BLOC1S2: variants seen among roughly 807,000 people sequenced by gnomAD.
BLOC1S2 encodes the protein biogenesis of lysosome-related organelles complex 1 subunit 2.
Under a neutral mutation model 19.6 loss-of-function variants are expected in BLOC1S2, and 12 were observed. The observed-to-expected ratio is 0.61, with a 90% CI of 0.39 to 0.99. The LOEUF (loss-of-function observed/expected upper bound fraction) is 0.99. BLOC1S2 is among the 50% of genes least tolerant of loss of function. BLOC1S2 has a pLI of 0.00. For synonymous variants in BLOC1S2, 66 were observed against 64.1 expected, an observed-to-expected ratio of 1.03 and a Z score of -0.14; for missense variants, 142 against 171.0, an observed-to-expected ratio of 0.83 and a Z score of 0.95.
In BLOC1S2 at chr10:100,275,475, A is replaced by T. The variant is rs764290911; in HGVS notation, c.416T>A (p.Leu139Gln). 1 of 1,605,434 alleles carries T rather than the reference A, an allele frequency of 6.2e-7. No homozygotes were observed. Among genetic ancestry groups the T allele is most frequent in the Non-Finnish European group, 8.5e-7 (1 of 1,174,396 alleles). Residue 139 changes from leucine to glutamine, a missense_variant, in exon 5 of 5, where the codon CTG becomes CAG. Leu to Gln is a moderately radical substitution (Grantham distance 113). Coordinates refer to ENST00000370372, the MANE Select transcript of BLOC1S2 (RefSeq NM_173809.5). Reference protein sequence around the residue: ...SKKLEAKYKKLEKR With the variant: ...SKKLEAKYKKQEKR ...GAAATAAGTTTCTCATCGCTTCTCC[A>T]GCTTCTTGTACTTGGCTTCTGTGAG...
chr10:100,280,901 C>T, intron 3 of BLOC1S2, 33 bp downstream of exon 3: 30 of 1,587,132 alleles, frequency 1.9e-5, no homozygotes, highest in Non-Finnish European at 2.6e-5. Context: ...ACATTAAATA[C>T]AAACATGTTT....
At chr10:100,285,940 G>C (rs1848223138) in intron 2 of BLOC1S2, among the ~76,000 whole-genome samples, 157 bp downstream of exon 2, 1 of 152,160 alleles carries the variant, frequency 6.6e-6, no homozygotes, top group Admixed American at 6.5e-5. Context: ...CTGCAGAGTT[G>C]TATTTTCTTT....
chr10:100,277,867 G>A (rs1258929373), intron 4 of BLOC1S2, among the ~76,000 whole-genome samples: 8 of 125,268 alleles, frequency 6.4e-5, no homozygotes, highest in African/African-American at 1.6e-4. Flanking sequence ...CAGCCGCCCC[G>A]TCCGGGAGGG....
At chr10:100,278,180 C>G (rs1175377999) in intron 4 of BLOC1S2, among the ~76,000 whole-genome samples, 6 of 146,298 alleles carry the variant, frequency 4.1e-5, no homozygotes, top group Non-Finnish European at 6.1e-5. Context: ...GCCCCCTACC[C>G]GGCCAGCCGC....
chr10:100,285,765 T>C (rs1402736743), intron 2 of BLOC1S2, among the ~76,000 whole-genome samples: 4 of 152,320 alleles, frequency 2.6e-5, no homozygotes, highest in Admixed American at 2.0e-4. Context: ...TGCTTGCACA[T>C]ACCACCTCAT....
intron 4 of BLOC1S2, among the ~76,000 whole-genome samples, chr10:100,278,569 C>T (rs1454061743): frequency 6.6e-6 from 1 of 152,090 alleles, no homozygotes; most frequent in East Asian, 1.9e-4. Flanking sequence ...GTGCTGTGTC[C>T]ACTCAGGGTT....
Position 100,275,089 on chromosome 10 carries a change from AC to A in BLOC1S2, c.*372del, listed in dbSNP as rs1847818873. 1 of 401,110 alleles carries A rather than the reference AC, an allele frequency of 2.5e-6. No homozygotes were observed. Among genetic ancestry groups the A allele is most frequent in the African/African-American group, 2.1e-5 (1 of 48,766 alleles). The allele number at this position is 401,110 out of a possible 1,614,324, so 24.8% of individuals were successfully genotyped here. On this transcript the variant is annotated 3_prime_UTR_variant, in exon 5 of 5. Transcript: ENST00000370372. ...CAGAAAAACGACCATTTACATAGTA[AC>A]TAAAAAACCAGCCACTTAAGAAAAT... is the stretch of plus-strand genomic sequence containing the variant.
chr10:100,277,430 G>A (rs1178866068), intron 4 of BLOC1S2, among the ~76,000 whole-genome samples: 1 of 148,980 alleles, frequency 6.7e-6, no homozygotes, highest in East Asian at 2.0e-4. Context: ...CCTCTGCCCA[G>A]CCAGCCACCC....
rs756774599 is a variant in BLOC1S2 at position 100,280,176 on chromosome 10, T to C, written c.345A>G (p.Val115=). 1.5e-5 allele frequency: 24 copies of C among 1,613,504 alleles called. No individual in the cohort carries two copies. The highest frequency in any genetic ancestry group is 1.9e-5 in the Non-Finnish European group (23 of 1,179,686). Residue 115 remains valine, a synonymous_variant, in exon 4 of 5, where the codon GTA becomes GTG. Transcript: ENST00000370372. ...LDQINVIEEQ[V]AALEQAAYKL... ...TGTAAGCTGCCTGCTCAAGAGCTGCTACCTGCTCTTCAATGACATTGATCT... is the reference window on the plus strand; with the variant it reads ...TGTAAGCTGCCTGCTCAAGAGCTGCCACCTGCTCTTCAATGACATTGATCT...
intron 2 of BLOC1S2, among the ~76,000 whole-genome samples, chr10:100,282,530 C>T (rs1184362852): frequency 6.6e-6 from 1 of 152,118 alleles, no homozygotes; most frequent in African/African-American, 2.4e-5. Context: ...TGTACTACAC[C>T]GATGATTTTC....
In BLOC1S2 at chr10:100,273,984, G is replaced by A. The variant is rs1211287817; in HGVS notation, c.*1478C>T. The A allele has an allele frequency of 6.6e-6, 1 of 152,126 alleles. No individual in the cohort carries two copies. Among genetic ancestry groups the A allele is most frequent in the Admixed American group, 6.6e-5 (1 of 15,260 alleles). 9.4% of individuals were successfully genotyped at this position (152,126 alleles called of 1,614,324 possible). On this transcript the variant is annotated 3_prime_UTR_variant, in exon 5 of 5. Transcript: ENST00000370372. The stretch of plus-strand genomic sequence containing the variant: ...AAAAATGTTTAAATAGGGGCCTTAT[G>A]TTAGGCACGGTGGTTCATGCCTACA...
At position 100,273,369 on chromosome 10, in the gene BLOC1S2, CATCT is replaced by C. The variant is rs754241595; in HGVS notation, c.*2089_*2092del. ...ATCACTTGTACTCTGAAAATACATA[CATCT>C]ATTACACATCAATAAAAAAACTCAT... On this transcript the variant is annotated 3_prime_UTR_variant, in exon 5 of 5. Coordinates refer to ENST00000370372, the MANE Select transcript of BLOC1S2 (RefSeq NM_173809.5). 6.6e-6 allele frequency: 1 copy of C among 152,146 alleles called. No homozygotes were observed. Among genetic ancestry groups the C allele is most frequent in the East Asian group, 1.9e-4 (1 of 5,200 alleles). 9.4% of individuals were successfully genotyped at this position (152,146 alleles called of 1,614,324 possible). A position where few individuals can be genotyped will look rare whatever the true frequency, so the allele number is the denominator to read the frequency against.
intron 2 of BLOC1S2, among the ~76,000 whole-genome samples, chr10:100,283,488 T>C (rs1454718404): frequency 1.3e-5 from 2 of 152,108 alleles, no homozygotes; most frequent in African/African-American, 4.8e-5. Context: ...CTATTACTTT[T>C]CATCTGAATT....
chr10:100,283,109 C>T (rs1014343219), intron 2 of BLOC1S2, among the ~76,000 whole-genome samples: 6 of 152,230 alleles, frequency 3.9e-5, no homozygotes, highest in Admixed American at 2.6e-4. Flanking sequence ...CATGGTTCCT[C>T]TTTCCAGCTA....
At chr10:100,277,426 C>T (rs1457062004) in intron 4 of BLOC1S2, among the ~76,000 whole-genome samples, 1 of 148,332 alleles carries the variant, frequency 6.7e-6, no homozygotes, top group Non-Finnish European at 1.5e-5. Flanking sequence ...AGCCCCTCTG[C>T]CCAGCCAGCC....
Position 100,286,638 on chromosome 10 carries a change from C to A in BLOC1S2, c.22G>T (p.Val8Leu), listed in dbSNP as rs1025736219. Residue 8 changes from valine to leucine, a missense_variant, in exon 1 of 5, where the codon GTA (valine) becomes TTA (leucine). Physicochemically the swap from Val to Leu is conservative, Grantham distance 32. Transcript: ENST00000370372. ...GGCTCATCACTCCGGGTCGCCAGTA[C>A]GCCCTCGGCTGCCGCCGCCATAGCG... is the stretch of plus-strand genomic sequence containing the variant. MAAAAEG[V>L]LATRSDEPAR... The A allele has an allele frequency of 4.3e-6, 7 of 1,610,724 alleles. No homozygotes were observed. The highest frequency in any genetic ancestry group is 5.9e-6 in the Non-Finnish European group (7 of 1,178,556).
chr10:100,286,654 C>G lies in BLOC1S2; in HGVS notation c.6G>C (p.Ala2=), dbSNP rs780227252. 6.2e-6 allele frequency: 10 copies of G among 1,610,728 alleles called. No individual in the cohort carries two copies. Among genetic ancestry groups the G allele is most frequent in the Middle Eastern group, 1.7e-4 (1 of 6,054 alleles). The change falls in exon 1 of 5, where the codon GCG becomes GCC. Residue 2 remains alanine, a synonymous_variant. Transcript: ENST00000370372. ...TCGCCAGTACGCCCTCGGCTGCCGC[C>G]GCCATAGCGGACCCCGCGCTGTTTC... The part of the protein sequence containing the change: M[A]AAAEGVLATR...
rs914132510 is a variant in BLOC1S2, at chr10:100,274,769, C to A, written c.*693G>T. 2 of 393,466 alleles carry A rather than the reference C, an allele frequency of 5.1e-6. No individual in the cohort carries two copies. Among genetic ancestry groups the A allele is most frequent in the Non-Finnish European group, 9.0e-6 (2 of 223,406 alleles). The allele number at this position is 393,466 out of a possible 1,614,324, so 24.4% of individuals were successfully genotyped here. On this transcript the variant is annotated 3_prime_UTR_variant, in exon 5 of 5. Coordinates refer to ENST00000370372, the MANE Select transcript of BLOC1S2 (RefSeq NM_173809.5). ...CCTACCCAACACATAAACACACATA[C>A]CCATCTAGTCTTTGTTTTCATCACA...
rs374453394 is a variant in BLOC1S2, at chr10:100,279,481, T to C, written c.397+643A>G. Among the ~76,000 whole-genome samples, 8 of 152,198 alleles carry C rather than the reference T, an allele frequency of 5.3e-5. No individual in the cohort carries two copies. The South Asian group carries it at 1.0e-3, about 20-fold the overall frequency. ...CAGATGTGGTGGCTCACACCTATAA[T>C]CCCAGCACTTTGGGAGGCTGAGGCG... On this transcript the variant is annotated intron_variant, in intron 4 of 4. Transcript: ENST00000370372.
Sources: gnomAD v4.1 joint callset for allele counts (sites outside exome capture counted in the v4.1 genomes callset) on GRCh38, gnomAD v4.1.1 for gene constraint, MANE v1.5 for transcripts, NCBI Gene and HGNC (gene_info 2026-07-23, HGNC 2026-07-21) for gene names.